The following NBAS variants were observed in gnomAD, a reference collection of about 807,000 sequenced individuals.
NBAS encodes the protein NAG/BC035112 fusion.
NBAS carries 219 observed loss-of-function variants against 302.5 expected under a neutral mutation model. That is an observed-to-expected ratio of 0.72 (90% CI 0.65 to 0.81). The LOEUF is 0.81. Ranked by LOEUF, NBAS falls within the 30% of genes least tolerant of loss-of-function variation. NBAS has a pLI of 0.00. For synonymous variants in NBAS, 1,118 were observed against 1,021.6 expected (o/e 1.09, Z -1.80); for missense variants, 2,932 against 2,841.6 (o/e 1.03, Z -0.72).
intron 22 of NBAS, among the ~76,000 whole-genome samples, chr2:15,425,885 G>T (rs145427129): frequency 1.3e-5 from 2 of 151,960 alleles, no homozygotes; most frequent in South Asian, 4.2e-4. Flanking sequence ...TTTGCCCCTC[G>T]TCAGTCTGCT....
intron 21 of NBAS, among the ~76,000 whole-genome samples, chr2:15,449,404 T>C (rs1678898881): frequency 6.6e-6 from 1 of 152,180 alleles, no homozygotes; most frequent in Non-Finnish European, 1.5e-5. Flanking sequence ...CCATAGTCAG[T>C]CATGAGATGT....
chr2:14,834,925 G>A, the NBAS span, among the ~76,000 whole-genome samples: 2 of 152,098 alleles, frequency 1.3e-5, 1 homozygote, highest in Non-Finnish European at 2.9e-5. Flanking sequence ...CCAAATAGTA[G>A]AGAGGAGAGA....
At chr2:15,335,689 T>C (rs1030587715) in intron 35 of NBAS, among the ~76,000 whole-genome samples, 2 of 152,228 alleles carry the variant, frequency 1.3e-5, no homozygotes, top group Admixed American at 1.3e-4. Context: ...ATCTGTTTTA[T>C]TCACTTATAC....
chr2:15,220,172 C>T lies in NBAS; in HGVS notation c.6237-1204G>A, dbSNP rs1332185558. Among the ~76,000 whole-genome samples the T allele has an allele frequency of 8.5e-5, 12 of 140,680 alleles. No homozygotes were observed. In the South Asian group the frequency reaches 2.8e-3, roughly 33 times the overall value. 92.3% of individuals were successfully genotyped at this position (140,680 alleles called of 152,430 possible). ...CTCCCGGACGGGGCGGCTGGCCGGGCGGGGGGCTGACCCCCCCACCTCCCT... is the reference window on the plus strand; with the variant it reads ...CTCCCGGACGGGGCGGCTGGCCGGGTGGGGGGCTGACCCCCCCACCTCCCT... On this transcript the variant is annotated intron_variant, in intron 47 of 51. Coordinates refer to ENST00000281513, the MANE Select transcript of NBAS (RefSeq NM_015909.4).
intron 21 of NBAS, among the ~76,000 whole-genome samples, chr2:15,458,985 T>G (rs1324817254): frequency 6.6e-6 from 1 of 152,228 alleles, no homozygotes; most frequent in Non-Finnish European, 1.5e-5. Flanking sequence ...TATACTCTGC[T>G]GCAATAGGGT....
the NBAS span, among the ~76,000 whole-genome samples, chr2:15,122,177 C>T: frequency 6.6e-6 from 1 of 151,454 alleles, no homozygotes; most frequent in African/African-American, 2.4e-5. Flanking sequence ...AGAAATAACC[C>T]GAGGCTGGAT....
At chr2:15,299,866 G>A (rs1381171887) in intron 40 of NBAS, among the ~76,000 whole-genome samples, 2 of 152,132 alleles carry the variant, frequency 1.3e-5, no homozygotes, top group Admixed American at 1.3e-4. Context: ...ATACAAATGG[G>A]AAACACTGAC....
the NBAS span, among the ~76,000 whole-genome samples, chr2:15,155,530 G>C: frequency 3.9e-5 from 6 of 152,132 alleles, no homozygotes; most frequent in African/African-American, 1.4e-4. Context: ...CCCCAGCTCT[G>C]CCCTATTTCC....
chr2:15,099,463 G>A, the NBAS span, among the ~76,000 whole-genome samples: 4 of 152,058 alleles, frequency 2.6e-5, no homozygotes, highest in Non-Finnish European at 5.9e-5. Flanking sequence ...ATAGGGACCA[G>A]TGGGAGCACA....
intron 10 of NBAS, among the ~76,000 whole-genome samples, chr2:15,505,880 T>A (rs1315050424): frequency 6.6e-6 from 1 of 151,588 alleles, no homozygotes; most frequent in East Asian, 1.9e-4. Flanking sequence ...ATTCAGTAAC[T>A]GAAAATAGAA....
chr2:14,943,333 C>T, the NBAS span, among the ~76,000 whole-genome samples: 12 of 152,174 alleles, frequency 7.9e-5, no homozygotes, highest in African/African-American at 2.4e-5. Context: ...TTTATCTTAC[C>T]AATTTCATGT....
chr2:14,940,489 T>A, the NBAS span, among the ~76,000 whole-genome samples: 1 of 152,192 alleles, frequency 6.6e-6, no homozygotes, highest in Non-Finnish European at 1.5e-5. Context: ...CTTCTTTTCA[T>A]TATATATACG....
At chr2:15,000,670 G>T in the NBAS span, among the ~76,000 whole-genome samples, 1 of 152,176 alleles carries the variant, frequency 6.6e-6, no homozygotes, top group African/African-American at 2.4e-5. Context: ...AGCTGGTGAT[G>T]AATATTTAAT....
chr2:15,215,540 T>TA lies in NBAS; in HGVS notation c.6432+3232dup, dbSNP rs376210110. On this transcript the variant is annotated intron_variant, in intron 48 of 51. Transcript: ENST00000281513. ...CAATATCATTATCTATTCTTATCCT[T>TA]ACTCTGTAAGAACTTGTCTCTATCC... Among the ~76,000 whole-genome samples, 58 of 152,346 alleles carry TA rather than the reference T, an allele frequency of 3.8e-4. No homozygotes were observed. In the Middle Eastern group the frequency reaches 0.01, roughly 27 times the overall value.
the NBAS span, among the ~76,000 whole-genome samples, chr2:14,789,126 C>A: frequency 1.3e-5 from 2 of 152,206 alleles, no homozygotes. Flanking sequence ...GGGCATAGGA[C>A]CCTCTGAGCC....
At chr2:15,086,731 C>A in the NBAS span, among the ~76,000 whole-genome samples, 1 of 152,234 alleles carries the variant, frequency 6.6e-6, no homozygotes. Flanking sequence ...GCACCTGCAG[C>A]TGCCCACCCT....
At chr2:14,963,232 C>T in the NBAS span, among the ~76,000 whole-genome samples, 1 of 152,122 alleles carries the variant, frequency 6.6e-6, no homozygotes, top group African/African-American at 2.4e-5. Flanking sequence ...CGCGACCCAG[C>T]ACTCCAGCCT....
At chr2:15,131,736 C>G in the NBAS span, among the ~76,000 whole-genome samples, 1 of 152,146 alleles carries the variant, frequency 6.6e-6, no homozygotes, top group Non-Finnish European at 1.5e-5. Context: ...TAAAGAAAAG[C>G]AGTTTAATTG....
chr2:15,276,583 G>A (rs952255146), intron 43 of NBAS, among the ~76,000 whole-genome samples: 2 of 152,126 alleles, frequency 1.3e-5, no homozygotes, highest in African/African-American at 4.8e-5. Context: ...AAAAATCCTG[G>A]AGCAGAAGTC....
Sources: gnomAD v4.1 joint callset for allele counts (sites outside exome capture counted in the v4.1 genomes callset) on GRCh38, gnomAD v4.1.1 for gene constraint, MANE v1.5 for transcripts, NCBI Gene and HGNC (gene_info 2026-07-23, HGNC 2026-07-21) for gene names.